The following ALS2 variants were observed in gnomAD, a reference collection of about 807,000 sequenced individuals.
ALS2 encodes alsin Rho guanine nucleotide exchange factor ALS2, also known as alsin.
A neutral mutation model predicts 203.4 loss-of-function variants in ALS2; 117 were observed. That is an observed-to-expected ratio of 0.58 (90% CI 0.50 to 0.67). ALS2 has a LOEUF of 0.67. Ranked by LOEUF, ALS2 falls within the 30% of genes least tolerant of loss-of-function variation. ALS2 has a pLI of 0.00. For synonymous variants in ALS2, 718 were observed against 725.9 expected, an observed-to-expected ratio of 0.99 and a Z score of 0.17; for missense variants, 1,715 against 1,989.4, an observed-to-expected ratio of 0.86 and a Z score of 2.62.
chr2:201,760,022 T>A, intron 4 of ALS2: 1 of 981,036 alleles, frequency 1.0e-6, no homozygotes, highest in Non-Finnish European at 1.2e-6. Flanking sequence ...AAAATAGTTT[T>A]AATAAGATAT....
intron 23 of ALS2, chr2:201,722,679 A>G (rs1690880677): frequency 4.9e-6 from 1 of 205,394 alleles, no homozygotes; most frequent in South Asian, 9.9e-5. Flanking sequence ...CACAATATGG[A>G]AAAAACAAAA....
intron 1 of ALS2, among the ~76,000 whole-genome samples, chr2:201,779,198 C>A (rs1394126114): frequency 6.6e-6 from 1 of 152,128 alleles, no homozygotes; most frequent in Admixed American, 6.5e-5. Flanking sequence ...AGAAGGGATT[C>A]CTGTTTATAT....
At chr2:201,736,998 TA>T (rs1691910385) in intron 12 of ALS2, among the ~76,000 whole-genome samples, 1 of 152,136 alleles carries the variant, frequency 6.6e-6, no homozygotes, top group African/African-American at 2.4e-5. Context: ...AAAGTACAAA[TA>T]ATTCCTACTT....
intron 3 of ALS2, chr2:201,765,309 T>C (rs576640575): frequency 2.6e-5 from 4 of 153,026 alleles, no homozygotes; most frequent in East Asian, 1.9e-4. Flanking sequence ...ATTACAGGCA[T>C]AGGCAATTGT....
In ALS2 at chr2:201,723,337, T is replaced by G. The variant is rs376031467; in HGVS notation, c.3617A>C (p.Lys1206Thr). 9 of 1,605,164 alleles carry G rather than the reference T, an allele frequency of 5.6e-6. No homozygotes were observed. Among genetic ancestry groups the G allele is most frequent in the African/African-American group, 2.7e-5 (2 of 74,752 alleles). ...LYYEGNFHLNKMMGNGVLLSE... is the reference protein window; with the variant it reads ...LYYEGNFHLNTMMGNGVLLSE... ...TGCAAATATTCCACTCACCATCATTTTATTAAGGTGAAAGTTGCCCTCGTA... is the reference window on the plus strand; with the variant it reads ...TGCAAATATTCCACTCACCATCATTGTATTAAGGTGAAAGTTGCCCTCGTA... The change falls in exon 22 of 34, where the codon AAA becomes ACA. Residue 1206 changes from lysine (K) to threonine (T), a missense_variant. By Grantham distance (78) the Lys-to-Thr change is moderately conservative. Coordinates refer to ENST00000264276, the MANE Select transcript of ALS2 (RefSeq NM_020919.4).
intron 25 of ALS2, 55 bp from the exon 26 acceptor site, chr2:201,711,163 G>A (rs1406611044): frequency 1.4e-5 from 15 of 1,092,892 alleles, no homozygotes; most frequent in Non-Finnish European, 1.7e-5. Flanking sequence ...AGCAAGATAC[G>A]TGTAAATACT....
chr2:201,706,873 G>C lies in ALS2; in HGVS notation c.4553C>G (p.Ala1518Gly). The C allele has an allele frequency of 6.2e-7, 1 of 1,614,000 alleles. No homozygotes were observed. Among genetic ancestry groups the C allele is most frequent in the Non-Finnish European group, 8.5e-7 (1 of 1,179,964 alleles). Residue 1518 changes from alanine to glycine, a missense_variant, in exon 29 of 34, where the codon GCT becomes GGT. Around this residue, in one of 3 missense-constraint regions of ALS2, gnomAD observed 1,227 missense variants for 1,413.5 expected, o/e 0.87. Transcript: ENST00000264276. ...VLRLNKQPDI[A>G]LLGFLGVQRK... The stretch of plus-strand genomic sequence containing the variant: ...CTGCACCCCAAGAAAGCCCAGGAGA[G>C]CAATATCTGGCTGCTTATTTAGTCG...
chr2:201,713,198 G>A (rs1437923228), intron 25 of ALS2, among the ~76,000 whole-genome samples: 1 of 138,870 alleles, frequency 7.2e-6, no homozygotes, highest in African/African-American at 2.7e-5. Flanking sequence ...GTGCAATGGC[G>A]CTATCTCGGC....
chr2:201,738,762 CATTAGTTGAAATGTAA>C (rs1692049670), intron 11 of ALS2, 27 bp from the exon 12 acceptor site: 1 of 1,583,326 alleles, frequency 6.3e-7, no homozygotes, highest in African/African-American at 1.3e-5. Context: ...AACACATGTA[CATTAGTTGAAATGTAA>C]ATTAGTTCTT....
chr2:201,748,700 T>C (rs1476296671), intron 8 of ALS2, among the ~76,000 whole-genome samples: 2 of 152,220 alleles, frequency 1.3e-5, no homozygotes, highest in Non-Finnish European at 2.9e-5. Flanking sequence ...ACTACGATGT[T>C]TTATACTGAA....
In ALS2 at chr2:201,715,849, T is replaced by A; in HGVS notation, c.3837-10A>T. The A allele has an allele frequency of 6.2e-7, 1 of 1,614,088 alleles. No individual in the cohort carries two copies. The highest frequency in any genetic ancestry group is 1.1e-5 in the South Asian group (1 of 91,084). On this transcript the variant is annotated splice_polypyrimidine_tract_variant and intron_variant, in intron 24 of 33. Coordinates refer to ENST00000264276, the MANE Select transcript of ALS2 (RefSeq NM_020919.4). ...GTTTCCTAGCTTCCTGCTAATAAAGTCATATCAACCTTTTATTAATCATTT... is the reference window on the plus strand; with the variant it reads ...GTTTCCTAGCTTCCTGCTAATAAAGACATATCAACCTTTTATTAATCATTT...
At position 201,711,038 on chromosome 2, in the gene ALS2, C is replaced by T; in HGVS notation, c.4075G>A (p.Ala1359Thr). 6.2e-7 allele frequency: 1 copy of T among 1,612,750 alleles called. No homozygotes were observed. The highest frequency in any genetic ancestry group is 8.5e-7 in the Non-Finnish European group (1 of 1,178,984). ...TCATCATATTTCTCCACAGAGAAGG[C>T]ACCAACATGCTGTGGAATGAATTCC... ...SLEFIPQHVG[A>T]FSVEKYDDIR... The change falls in exon 26 of 34, where the codon GCC becomes ACC. Residue 1359 changes from alanine (A) to threonine (T), a missense_variant. By Grantham distance (58) the Ala-to-Thr change is moderately conservative. This residue lies in a region of ALS2 where 1,227 missense variants were observed against 1,413.5 expected (regional missense o/e 0.87). Transcript: ENST00000264276.
At chr2:201,725,513 G>A in intron 19 of ALS2, 59 bp from the exon 20 acceptor site, 5 of 1,315,274 alleles carry the variant, frequency 3.8e-6, no homozygotes, top group Non-Finnish European at 4.4e-6. Context: ...TTCACCTTTT[G>A]TATGTATATC....
intron 7 of ALS2, among the ~76,000 whole-genome samples, chr2:201,751,232 C>T (rs1693030193): frequency 6.6e-6 from 1 of 152,104 alleles, no homozygotes; most frequent in African/African-American, 2.4e-5. Context: ...AGGATAAATT[C>T]CTAGGCAAAG....
In ALS2 at chr2:201,757,545, GGGCCAAT is replaced by G; in HGVS notation, c.1321_1327del (p.Ile441ProfsTer4). 1.2e-6 allele frequency: 2 copies of G among 1,613,918 alleles called. No individual in the cohort carries two copies. Among genetic ancestry groups the G allele is most frequent in the Non-Finnish European group, 1.7e-6 (2 of 1,179,988 alleles). ...TTCCCTGCTATCTTTCAAACCTTCG[GGGCCAAT>G]GGCACTACTGCCTGCCTGAGCTCCA... On this transcript the variant is annotated frameshift_variant, in exon 5 of 34. Transcript: ENST00000264276. LOFTEE classifies it high-confidence loss of function.
intron 31 of ALS2, among the ~76,000 whole-genome samples, 182 bp from the exon 32 acceptor site, chr2:201,704,785 A>C (rs1689601526): frequency 6.6e-6 from 1 of 152,194 alleles, no homozygotes. Flanking sequence ...AGTAGCCTCC[A>C]ACTGTCTACG....
chr2:201,761,091 A>C lies in ALS2; in HGVS notation c.903T>G (p.Val301=). The C allele has an allele frequency of 6.2e-7, 1 of 1,614,234 alleles. No homozygotes were observed. The highest frequency in any genetic ancestry group is 8.5e-7 in the Non-Finnish European group (1 of 1,180,036). ...CACTTACTGCATTCAGTTCAGTAGC[A>C]ACAGACTGATCATTTGCTACAAGAG... ...ENTLVANDQS[V]ATELNAVSAQ... Residue 301 remains valine, a synonymous_variant, in exon 4 of 34, where the codon GTT becomes GTG. Coordinates refer to ENST00000264276, the MANE Select transcript of ALS2 (RefSeq NM_020919.4).
chr2:201,725,783 G>T (rs1330952822), intron 19 of ALS2, among the ~76,000 whole-genome samples: 1 of 152,124 alleles, frequency 6.6e-6, no homozygotes, highest in African/African-American at 2.4e-5. Context: ...CCTTTATTTG[G>T]ATAATAAGAG....
At chr2:201,715,651 G>A in intron 25 of ALS2, 21 bp downstream of exon 25, 5 of 1,613,952 alleles carry the variant, frequency 3.1e-6, no homozygotes, top group Non-Finnish European at 4.2e-6. Context: ...TCTGCTGTAT[G>A]TTGAGCAGGT....
Sources: gnomAD v4.1 joint callset for allele counts (sites outside exome capture counted in the v4.1 genomes callset) on GRCh38, gnomAD v4.1.1 for gene constraint, gnomAD v4.1.1 regional missense constraint, MANE v1.5 for transcripts, NCBI Gene and HGNC (gene_info 2026-07-23, HGNC 2026-07-21) for gene names.